The following PTCD3 variants were observed in gnomAD, a reference collection of about 807,000 sequenced individuals.
The protein encoded by PTCD3 is pentatricopeptide repeat domain 3, also known as small ribosomal subunit protein mS39.
In PTCD3, 89 loss-of-function variants were observed where a neutral mutation model predicts 101.9. The observed-to-expected ratio is 0.87, with a 90% CI of 0.74 to 1.04. The LOEUF (loss-of-function observed/expected upper bound fraction) is 1.04. PTCD3 is among the 50% of genes least tolerant of loss of function. PTCD3 has a pLI of 0.00. For missense variants in PTCD3, 870 were observed against 828.2 expected (o/e 1.05, Z -0.62); for synonymous variants, 296 against 278.5 (o/e 1.06, Z -0.63).
intron 14 of PTCD3, among the ~76,000 whole-genome samples, chr2:86,129,576 A>C (rs1205007738): frequency 6.6e-6 from 1 of 152,132 alleles, no homozygotes; most frequent in Non-Finnish European, 1.5e-5. Context: ...CAGGAGGTTG[A>C]AGCTGCAGTA....
At chr2:86,135,793 A>G (rs1674574456) in intron 21 of PTCD3, 2 of 426,798 alleles carry the variant, frequency 4.7e-6, no homozygotes, top group Non-Finnish European at 9.2e-6. Context: ...TCTAGCAACT[A>G]TGCTGCTAGT....
intron 19 of PTCD3, 147 bp from the exon 20 acceptor site, chr2:86,134,145 A>G (rs1674538621): frequency 1.7e-6 from 1 of 605,950 alleles, no homozygotes; most frequent in South Asian, 2.0e-5. Flanking sequence ...TCCACTGTGA[A>G]TCCTGGTGGG....
Position 86,130,647 on chromosome 2 carries a change from G to A in PTCD3, c.1148-1G>A. The stretch of plus-strand genomic sequence containing the variant: ...AACACATTTGCTTTCTTGTTCTGCA[G>A]GAGACCCTTTAAAGAGATCATCCTT... On this transcript the variant is annotated splice_acceptor_variant, in intron 14 of 23. Transcript: ENST00000254630. LOFTEE classifies it high-confidence loss of function. 1.9e-6 allele frequency: 3 copies of A among 1,608,568 alleles called. No individual in the cohort carries two copies. The highest frequency in any genetic ancestry group is 2.5e-6 in the Non-Finnish European group (3 of 1,177,596).
chr2:86,130,759 G>A, intron 15 of PTCD3, 22 bp downstream of exon 15: 1 of 1,611,360 alleles, frequency 6.2e-7, no homozygotes, highest in Non-Finnish European at 8.5e-7. Context: ...AATCACTTGT[G>A]TTTTCCTCCT....
Position 86,108,499 on chromosome 2 carries a change from G to T in PTCD3, c.158-1G>T, listed in dbSNP as rs200834457. On this transcript the variant is annotated splice_acceptor_variant, in intron 2 of 23. Transcript: ENST00000254630. LOFTEE classifies it high-confidence loss of function. ...GATTCATGTTTTCTTTTTTACATTA[G>T]GGATTGAAGAAGTAGTAATTCCAAA... The T allele has an allele frequency of 3.1e-6, 5 of 1,593,898 alleles. No individual in the cohort carries two copies. Among genetic ancestry groups the T allele is most frequent in the East Asian group, 4.5e-5 (2 of 44,654 alleles).
Position 86,125,470 on chromosome 2 carries a change from C to G in PTCD3, c.820C>G (p.Gln274Glu), listed in dbSNP as rs535770155. ...CCTTTTCCAGCACCGAGCTTATGAG[C>G]AGGCATTAAACTTGTACACTGAGTT... The part of the protein sequence containing the change: ...RGMVKHRAYE[Q>E]ALNLYTELLN... The change falls in exon 11 of 24, where the codon CAG (glutamine) becomes GAG (glutamate). Residue 274 changes from glutamine to glutamate, a missense_variant. Gln to Glu is a conservative substitution (Grantham distance 29). Transcript: ENST00000254630. 14 of 1,613,212 alleles carry G rather than the reference C, an allele frequency of 8.7e-6. No homozygotes were observed. Among genetic ancestry groups the G allele is most frequent in the Non-Finnish European group, 1.2e-5 (14 of 1,179,134 alleles).
At position 86,117,169 on chromosome 2, in the gene PTCD3, G is replaced by A; in HGVS notation, c.414+10G>A. ...TGAACCTCATATACCGGTAAGGAGA[G>A]GTAGTTACATTATTTACATAATACT... On this transcript the variant is annotated intron_variant, in intron 6 of 23. Coordinates refer to ENST00000254630, the MANE Select transcript of PTCD3 (RefSeq NM_017952.6). The A allele has an allele frequency of 2.1e-6, 2 of 947,742 alleles. No individual in the cohort carries two copies. The highest frequency in any genetic ancestry group is 2.7e-5 in the South Asian group (2 of 73,546). 58.7% of individuals were successfully genotyped at this position (947,742 alleles called of 1,614,324 possible).
In PTCD3 at chr2:86,121,613, G is replaced by C; in HGVS notation, c.654+19G>C. 1 of 1,495,648 alleles carries C rather than the reference G, an allele frequency of 6.7e-7. No homozygotes were observed. Among genetic ancestry groups the C allele is most frequent in the Non-Finnish European group, 9.1e-7 (1 of 1,100,800 alleles). 92.6% of individuals were successfully genotyped at this position (1,495,648 alleles called of 1,614,324 possible). A position where few individuals can be genotyped will look rare whatever the true frequency, so the allele number is the denominator to read the frequency against. ...AGCATTGGTAATAACTGTTGGCCTT[G>C]ATTTTTTTTTTTCCTTAAGCTTCTT... On this transcript the variant is annotated intron_variant, in intron 8 of 23. Coordinates refer to ENST00000254630, the MANE Select transcript of PTCD3 (RefSeq NM_017952.6).
intron 9 of PTCD3, among the ~76,000 whole-genome samples, 194 bp from the exon 10 acceptor site, chr2:86,124,801 A>G (rs1674353765): frequency 6.6e-6 from 1 of 152,224 alleles, no homozygotes. Flanking sequence ...AGCCCTGACA[A>G]CACATTAAGA....
Position 86,138,294 on chromosome 2 carries a change from T to C in PTCD3, c.*735T>C, listed in dbSNP as rs1049786758. 6.6e-6 allele frequency: 1 copy of C among 152,142 alleles called. No individual in the cohort carries two copies. Among genetic ancestry groups the C allele is most frequent in the African/African-American group, 2.4e-5 (1 of 41,340 alleles). The allele number at this position is 152,142 out of a possible 1,614,324, so 9.4% of individuals were successfully genotyped here. A position where few individuals can be genotyped will look rare whatever the true frequency, so the allele number is the denominator to read the frequency against. On this transcript the variant is annotated 3_prime_UTR_variant, in exon 24 of 24. Transcript: ENST00000254630. The stretch of plus-strand genomic sequence containing the variant: ...TGACAGAAGGATGTGGAATGTCTTC[T>C]TGACATCATTGTGTATTGCTGGTAA...
rs575534514 is a variant in PTCD3, at chr2:86,111,207, A to G, written c.240+49A>G. ...TTTAACCTAAAACTTGGCTAATAAC[A>G]CACTTTTTAACTCGGCTAATAACAC... On this transcript the variant is annotated intron_variant, in intron 4 of 23. Coordinates refer to ENST00000254630, the MANE Select transcript of PTCD3 (RefSeq NM_017952.6). 377 of 1,440,346 alleles carry G rather than the reference A, an allele frequency of 2.6e-4. 4 individuals carry two copies. The South Asian group carries it at 4.1e-3, about 16-fold the overall frequency. The allele number at this position is 1,440,346 out of a possible 1,614,324, so 89.2% of individuals were successfully genotyped here. A position where few individuals can be genotyped will look rare whatever the true frequency, so the allele number is the denominator to read the frequency against.
At chr2:86,121,143 A>C (rs1393064123) in intron 7 of PTCD3, among the ~76,000 whole-genome samples, 1 of 152,180 alleles carries the variant, frequency 6.6e-6, no homozygotes, top group East Asian at 1.9e-4. Context: ...GGGGGAACTA[A>C]GTGGGGATAG....
At chr2:86,131,054 G>A in intron 15 of PTCD3, 24 bp from the exon 16 acceptor site, 2 of 1,597,748 alleles carry the variant, frequency 1.3e-6, no homozygotes, top group Non-Finnish European at 1.7e-6. Flanking sequence ...TGTAACCAAA[G>A]CTCTTGTGAA....
chr2:86,136,732 G>C (rs7558040), intron 22 of PTCD3, 170 bp downstream of exon 22: 752,027 of 829,560 alleles, frequency 0.91, 342,180 homozygotes, highest in East Asian at 0.98. Context: ...TATCTGTGTT[G>C]ACGGATCATC....
At chr2:86,124,285 T>G in intron 9 of PTCD3, among the ~76,000 whole-genome samples, 1 of 152,208 alleles carries the variant, frequency 6.6e-6, no homozygotes, top group Non-Finnish European at 1.5e-5. Context: ...CATGATTATC[T>G]AAAATTGTTA....
intron 7 of PTCD3, among the ~76,000 whole-genome samples, chr2:86,120,042 A>G (rs545040824): frequency 2.0e-5 from 3 of 152,352 alleles, no homozygotes; most frequent in Admixed American, 2.0e-4. Context: ...CTTGAACACA[A>G]GAAACATTTG....
chr2:86,117,569 TCA>T (rs2104451562), intron 6 of PTCD3, among the ~76,000 whole-genome samples: 1 of 151,898 alleles, frequency 6.6e-6, no homozygotes, highest in East Asian at 1.9e-4. Flanking sequence ...TGCCTCAGCC[TCA>T]CAAGTAGCTT....
intron 6 of PTCD3, among the ~76,000 whole-genome samples, chr2:86,118,286 TG>T (rs1366019608): frequency 3.3e-5 from 5 of 152,176 alleles, no homozygotes; most frequent in African/African-American, 4.8e-5. Flanking sequence ...TGCAGTGTGG[TG>T]GGTATTGTGC....
At chr2:86,137,369 G>A in intron 23 of PTCD3, 100 bp from the exon 24 acceptor site, 1 of 1,504,448 alleles carries the variant, frequency 6.6e-7, no homozygotes, top group Non-Finnish European at 8.9e-7. Context: ...CCCTTTTTCT[G>A]ATTTCAAAAC....
Sources: gnomAD v4.1 joint callset for allele counts (sites outside exome capture counted in the v4.1 genomes callset) on GRCh38, gnomAD v4.1.1 for gene constraint, MANE v1.5 for transcripts, NCBI Gene and HGNC (gene_info 2026-07-23, HGNC 2026-07-21) for gene names.